Variants in KLHL1 observed in about 807,000 individuals in gnomAD.
The protein encoded by KLHL1 is kelch like family member 1.
Under a neutral mutation model 77.7 loss-of-function variants are expected in KLHL1, and 47 were observed. The ratio of observed to expected loss-of-function variants is 0.60; its 90% confidence interval spans 0.48 to 0.77. The LOEUF is 0.77. Among genes scored for constraint, KLHL1 ranks in the 30% least tolerant of loss-of-function variants. KLHL1 has a pLI of 0.00. For missense variants in KLHL1, 925 were observed against 910.8 expected, an observed-to-expected ratio of 1.02 and a Z score of -0.20; for synonymous variants, 360 against 325.2, an observed-to-expected ratio of 1.11 and a Z score of -1.15.
Position 69,701,590 on chromosome 13 carries a change from A to C in KLHL1, c.*112T>G. ...TTTCAACATCAGTAGGTAACGCTAC[A>C]GAGATCCTTGTTCTTGAAGAGTTTT... On this transcript the variant is annotated 3_prime_UTR_variant, in exon 11 of 11. Coordinates refer to ENST00000377844, the MANE Select transcript of KLHL1 (RefSeq NM_020866.3). 2 of 728,702 alleles carry C rather than the reference A, an allele frequency of 2.7e-6. No homozygotes were observed. The highest frequency in any genetic ancestry group is 2.4e-6 in the Non-Finnish European group (1 of 420,406). 45.1% of individuals were successfully genotyped at this position (728,702 alleles called of 1,614,324 possible). A position where few individuals can be genotyped will look rare whatever the true frequency, so the allele number is the denominator to read the frequency against.
In KLHL1 at chr13:69,962,412, T is replaced by C. The variant is rs117366011; in HGVS notation, c.681-968A>G. Reference sequence around the variant, plus strand: ...CTACATCATCTGCAAGTTATATTCTTTTGACTTATTCCTGTTCATTCTGTA... The same window carrying C: ...CTACATCATCTGCAAGTTATATTCTCTTGACTTATTCCTGTTCATTCTGTA... On this transcript the variant is annotated intron_variant, in intron 2 of 10. Coordinates refer to ENST00000377844, the MANE Select transcript of KLHL1 (RefSeq NM_020866.3). 9.8e-3 allele frequency among the ~76,000 whole-genome samples: 1,499 copies of C among 152,216 alleles called. 12 individuals are homozygous for C. Among genetic ancestry groups the C allele is most frequent in the Middle Eastern group, 0.041 (12 of 294 alleles).
intron 4 of KLHL1, among the ~76,000 whole-genome samples, chr13:69,890,749 G>A (rs1881398586): frequency 6.6e-6 from 1 of 151,832 alleles, no homozygotes; most frequent in African/African-American, 2.4e-5. Context: ...ACCAGGAAAG[G>A]ATGCTAGAAC....
chr13:69,956,073 G>GAT (rs1197631255), intron 3 of KLHL1, among the ~76,000 whole-genome samples: 1 of 119,988 alleles, frequency 8.3e-6, no homozygotes, highest in Non-Finnish European at 1.8e-5. Context: ...ATATTTATTT[G>GAT]ATATATATAT....
At chr13:70,080,581 CTATT>C (rs1432560900) in intron 1 of KLHL1, among the ~76,000 whole-genome samples, 11 of 151,902 alleles carry the variant, frequency 7.2e-5, no homozygotes, top group African/African-American at 2.4e-4. Context: ...TCATTTTACT[CTATT>C]TATTTTACTT....
chr13:69,839,493 C>T (rs1381041635), intron 5 of KLHL1, among the ~76,000 whole-genome samples: 1 of 151,826 alleles, frequency 6.6e-6, no homozygotes, highest in African/African-American at 2.4e-5. Flanking sequence ...TGGCCATAAA[C>T]ATGTCAGGTG....
chr13:69,784,044 A>AAAAG (rs1443820239), intron 7 of KLHL1, among the ~76,000 whole-genome samples: 5 of 152,084 alleles, frequency 3.3e-5, no homozygotes, highest in African/African-American at 1.2e-4. Flanking sequence ...ATTCTTAAAG[A>AAAAG]AAAGAATTTT....
chr13:69,746,382 C>T (rs1040396873), intron 7 of KLHL1, among the ~76,000 whole-genome samples: 3 of 151,546 alleles, frequency 2.0e-5, no homozygotes, highest in Admixed American at 2.0e-4. Context: ...TAAATATTTC[C>T]TTTTATTTAG....
chr13:69,793,465 G>T (rs1157854464), intron 7 of KLHL1, among the ~76,000 whole-genome samples: 1 of 148,454 alleles, frequency 6.7e-6, no homozygotes, highest in African/African-American at 2.5e-5. Flanking sequence ...AGCAACTACA[G>T]AACTCATGTG....
intron 4 of KLHL1, among the ~76,000 whole-genome samples, chr13:69,905,263 GA>G (rs1434176740): frequency 6.6e-6 from 1 of 152,090 alleles, no homozygotes; most frequent in Non-Finnish European, 1.5e-5. Flanking sequence ...TAACGATGCT[GA>G]TAATATAGAA....
In KLHL1 at chr13:69,917,590, C is replaced by T. The variant is rs746318129; in HGVS notation, c.1014+22450G>A. The stretch of plus-strand genomic sequence containing the variant: ...GAAATTCCATAGTATTTTATTGTGC[C>T]AGCAAACAAGGAAGTTCTCAAAAAT... On this transcript the variant is annotated intron_variant, in intron 4 of 10. Transcript: ENST00000377844. Among the ~76,000 whole-genome samples the T allele has an allele frequency of 2.6e-5, 4 of 152,022 alleles. 1 individual carries two copies. Among genetic ancestry groups the T allele is most frequent in the South Asian group, 4.2e-4 (2 of 4,816 alleles).
At chr13:69,808,992 C>T (rs181030705) in intron 6 of KLHL1, among the ~76,000 whole-genome samples, 225 of 149,272 alleles carry the variant, frequency 1.5e-3, no homozygotes, top group Admixed American at 2.5e-3. Flanking sequence ...TCCTTTAAAT[C>T]TACCTAGTCA....
chr13:69,935,961 A>G (rs1254708922), intron 4 of KLHL1, among the ~76,000 whole-genome samples: 1 of 152,168 alleles, frequency 6.6e-6, no homozygotes, highest in Non-Finnish European at 1.5e-5. Flanking sequence ...TATATTTGTA[A>G]AGACTAGTCA....
chr13:70,094,118 A>T (rs979212555), intron 1 of KLHL1, among the ~76,000 whole-genome samples: 3 of 152,238 alleles, frequency 2.0e-5, no homozygotes, highest in Admixed American at 1.3e-4. Flanking sequence ...TTATGTGAAA[A>T]GTACCCTCTT....
intron 6 of KLHL1, among the ~76,000 whole-genome samples, chr13:69,810,550 G>A (rs1877829291): frequency 6.6e-6 from 1 of 151,972 alleles, no homozygotes; most frequent in African/African-American, 2.4e-5. Flanking sequence ...TAACAACAAA[G>A]TTTATAGTGC....
At chr13:69,942,135 A>G (rs562320076) in intron 3 of KLHL1, among the ~76,000 whole-genome samples, 2 of 152,048 alleles carry the variant, frequency 1.3e-5, no homozygotes, top group East Asian at 1.9e-4. Flanking sequence ...AATCTTCTAA[A>G]TTTGACTAAA....
At chr13:69,957,399 G>A (rs950257249) in intron 3 of KLHL1, among the ~76,000 whole-genome samples, 5 of 151,630 alleles carry the variant, frequency 3.3e-5, no homozygotes, top group African/African-American at 9.7e-5. Context: ...TATACAGATG[G>A]TTCCTGACTT....
At chr13:69,829,920 A>AT (rs1878695048) in intron 6 of KLHL1, among the ~76,000 whole-genome samples, 1 of 150,260 alleles carries the variant, frequency 6.7e-6, no homozygotes, top group Non-Finnish European at 1.5e-5. Flanking sequence ...TGGCACTGCC[A>AT]AGCCAGCACT....
chr13:70,032,866 C>T (rs1054577229), intron 1 of KLHL1, among the ~76,000 whole-genome samples: 5 of 152,068 alleles, frequency 3.3e-5, no homozygotes, highest in African/African-American at 1.2e-4. Context: ...TTGGTGCAAA[C>T]GTAATTGCAG....
chr13:70,104,374 T>C (rs1887995878), intron 1 of KLHL1, among the ~76,000 whole-genome samples: 1 of 152,148 alleles, frequency 6.6e-6, no homozygotes, highest in African/African-American at 2.4e-5. Flanking sequence ...TACCACAATA[T>C]TTCCCACTAC....
Sources: allele counts gnomAD v4.1 joint callset (sites outside exome capture counted in the v4.1 genomes callset), GRCh38; gene constraint gnomAD v4.1.1; transcripts MANE v1.5; gene names NCBI Gene and HGNC (gene_info 2026-07-23, HGNC 2026-07-21).